Variants in VOPP1 observed in about 807,000 individuals in gnomAD.
The protein encoded by VOPP1 is VOPP1 WW domain binding protein.
A neutral mutation model predicts 23.5 loss-of-function variants in VOPP1; 8 were observed. The observed-to-expected ratio is 0.34, with a 90% CI of 0.20 to 0.61. The LOEUF is 0.61. Among genes scored for constraint, VOPP1 ranks in the 20% least tolerant of loss-of-function variants. VOPP1 has a pLI of 0.78. For missense variants in VOPP1, 174 were observed against 238.1 expected (o/e 0.73, Z 1.77); for synonymous variants, 83 against 97.3 (o/e 0.85, Z 0.86).
intron 4 of VOPP1, among the ~76,000 whole-genome samples, chr7:55,484,874 T>G (rs1793013477): frequency 6.6e-6 from 1 of 152,142 alleles, no homozygotes; most frequent in African/African-American, 2.4e-5. Flanking sequence ...AAGCCACCAG[T>G]CTGTGTAGTA....
chr7:55,499,348 G>A (rs1794202034), intron 2 of VOPP1, among the ~76,000 whole-genome samples: 1 of 152,162 alleles, frequency 6.6e-6, no homozygotes, highest in Non-Finnish European at 1.5e-5. Context: ...GCTACTCAGG[G>A]AACTGAGGTA....
At chr7:55,549,921 A>G (rs948797821) in intron 1 of VOPP1, among the ~76,000 whole-genome samples, 2 of 152,020 alleles carry the variant, frequency 1.3e-5, no homozygotes, top group Admixed American at 1.3e-4. Context: ...TCCCACCCCC[A>G]TCCCCATCAT....
At chr7:55,532,951 A>T (rs2129047359) in intron 1 of VOPP1, among the ~76,000 whole-genome samples, 1 of 152,348 alleles carries the variant, frequency 6.6e-6, no homozygotes, top group East Asian at 1.9e-4. Flanking sequence ...ATAAATGTTA[A>T]GGGACTAAGC....
At chr7:55,467,455 AAAC>A (rs1791662004), downstream of VOPP1, among the ~76,000 whole-genome samples, 3 of 152,230 alleles carry the variant, frequency 2.0e-5, no homozygotes, top group South Asian at 6.2e-4. Flanking sequence ...CCTCTCTGAG[AAAC>A]AGCTCCTCCC....
chr7:55,538,054 C>T (rs551357273), intron 1 of VOPP1, among the ~76,000 whole-genome samples: 2 of 152,354 alleles, frequency 1.3e-5, no homozygotes, highest in East Asian at 3.9e-4. Flanking sequence ...CCCGACCACA[C>T]TAAGCTGCCC....
At chr7:55,516,609 G>A (rs1460212563) in intron 2 of VOPP1, among the ~76,000 whole-genome samples, 1 of 152,180 alleles carries the variant, frequency 6.6e-6, no homozygotes, top group Non-Finnish European at 1.5e-5. Context: ...TTTCCGGTGA[G>A]ACAAAATGAA....
At chr7:55,535,158 T>C (rs1421811659) in intron 1 of VOPP1, among the ~76,000 whole-genome samples, 2 of 152,144 alleles carry the variant, frequency 1.3e-5, no homozygotes, top group Non-Finnish European at 2.9e-5. Flanking sequence ...CTCAGGGGGC[T>C]ACGCAGGGCT....
chr7:55,488,045 A>G (rs773597832), intron 4 of VOPP1, among the ~76,000 whole-genome samples: 2 of 152,324 alleles, frequency 1.3e-5, no homozygotes, highest in East Asian at 3.9e-4. Flanking sequence ...TGAATAAATG[A>G]ATGAAGACAA....
At chr7:55,492,540 A>G (rs1793659043) in intron 3 of VOPP1, 122 bp from the exon 4 acceptor site, 1 of 1,213,664 alleles carries the variant, frequency 8.2e-7, no homozygotes, top group African/African-American at 1.5e-5. Flanking sequence ...CAAATGCACG[A>G]GTCAGAAGGC....
intron 1 of VOPP1, among the ~76,000 whole-genome samples, chr7:55,542,320 CT>C (rs1188828370): frequency 6.6e-6 from 1 of 152,128 alleles, no homozygotes; most frequent in African/African-American, 2.4e-5. Flanking sequence ...TTTTTGTTAA[CT>C]ACAGTTGCTC....
At chr7:55,522,516 C>T (rs905812464) in intron 1 of VOPP1, among the ~76,000 whole-genome samples, 3 of 152,206 alleles carry the variant, frequency 2.0e-5, no homozygotes, top group African/African-American at 7.2e-5. Flanking sequence ...AATTATAATT[C>T]ATTTCACTAG....
intron 1 of VOPP1, among the ~76,000 whole-genome samples, chr7:55,525,545 T>C (rs1425398336): frequency 1.3e-5 from 2 of 151,510 alleles, no homozygotes; most frequent in African/African-American, 2.4e-5. Context: ...GAAAATGAGA[T>C]TGCATCAAAA....
At chr7:55,558,720 A>G (rs1797889161) in intron 1 of VOPP1, among the ~76,000 whole-genome samples, 1 of 152,206 alleles carries the variant, frequency 6.6e-6, no homozygotes, top group Admixed American at 6.5e-5. Context: ...GGCTCCTTGC[A>G]GACAAAGACC....
At chr7:55,569,918 G>C (rs1798292366) in intron 1 of VOPP1, among the ~76,000 whole-genome samples, 1 of 152,116 alleles carries the variant, frequency 6.6e-6, no homozygotes, top group Non-Finnish European at 1.5e-5. Flanking sequence ...CTGCCACAAG[G>C]CCACCCCTTA....
intron 4 of VOPP1, among the ~76,000 whole-genome samples, chr7:55,484,442 G>C (rs1219518228): frequency 6.6e-6 from 1 of 152,088 alleles, no homozygotes; most frequent in Non-Finnish European, 1.5e-5. Flanking sequence ...ACAGTCGCTG[G>C]GGGGTGGGGG....
At chr7:55,468,931 C>T (rs1412362236), downstream of VOPP1, among the ~76,000 whole-genome samples, 2 of 152,134 alleles carry the variant, frequency 1.3e-5, no homozygotes, top group Non-Finnish European at 1.5e-5. Flanking sequence ...TAATTTTTAC[C>T]TTATTCTGGG....
intron 1 of VOPP1, among the ~76,000 whole-genome samples, chr7:55,566,206 G>A (rs900701702): frequency 6.6e-6 from 1 of 152,232 alleles, no homozygotes; most frequent in East Asian, 1.9e-4. Context: ...CCAGACCAGC[G>A]CAACTAATTC....
chr7:55,463,276 T>C (rs1583817581), intron 4 of VOPP1, among the ~76,000 whole-genome samples: 1 of 152,242 alleles, frequency 6.6e-6, no homozygotes, highest in East Asian at 1.9e-4. Context: ...TTTCATGTAT[T>C]GCTTTTTCAT....
chr7:55,570,798 C>T (rs1367163639), intron 1 of VOPP1, among the ~76,000 whole-genome samples: 1 of 151,878 alleles, frequency 6.6e-6, no homozygotes, highest in Non-Finnish European at 1.5e-5. Flanking sequence ...AAAAATTAGC[C>T]GGGCATAGTG....
Sources: gnomAD v4.1 joint callset for allele counts (sites outside exome capture counted in the v4.1 genomes callset) on GRCh38, gnomAD v4.1.1 for gene constraint, MANE v1.5 for transcripts, NCBI Gene and HGNC (gene_info 2026-07-23, HGNC 2026-07-21) for gene names.